Variants in PCDHA4 observed in about 807,000 individuals in gnomAD.
PCDHA4 encodes protocadherin alpha 4, also known as protocadherin alpha-4.
In PCDHA4, 49 loss-of-function variants were observed where a neutral mutation model predicts 61.4. That is an observed-to-expected ratio of 0.80 (90% confidence interval 0.63 to 1.01). The LOEUF (loss-of-function observed/expected upper bound fraction) is 1.01, where lower values mean the gene tolerates loss of function less well. Among genes scored for constraint, PCDHA4 ranks in the 50% least tolerant of loss-of-function variants. The pLI, the probability that PCDHA4 is intolerant of heterozygous loss-of-function variation, is 0.00. For synonymous variants in PCDHA4, 590 were observed against 550.3 expected, an observed-to-expected ratio of 1.07 and a Z score of -1.01; for missense variants, 1,254 against 1,235.8, an observed-to-expected ratio of 1.01 and a Z score of -0.22.
intron 1 of PCDHA4, among the ~76,000 whole-genome samples, chr5:140,920,166 A>G (rs539079245): frequency 2.2e-4 from 34 of 152,328 alleles, no homozygotes; most frequent in African/African-American, 7.9e-4. Flanking sequence ...AACTGTCTTA[A>G]GCAACCCAGT....
intron 1 of PCDHA4, among the ~76,000 whole-genome samples, chr5:140,878,601 T>A (rs1409343825): frequency 6.6e-6 from 1 of 152,224 alleles, no homozygotes; most frequent in African/African-American, 2.4e-5. Flanking sequence ...ACCAAGTGAA[T>A]CTTCTAATGT....
intron 1 of PCDHA4, among the ~76,000 whole-genome samples, chr5:140,910,365 A>G (rs1554194228): frequency 6.6e-6 from 1 of 152,164 alleles, no homozygotes; most frequent in Non-Finnish European, 1.5e-5. Flanking sequence ...TATGGTAGCT[A>G]TGCCCACCTT....
intron 1 of PCDHA4, chr5:140,824,610 G>GTTGTTTT (rs1768193318): frequency 1.1e-5 from 1 of 95,104 alleles, no homozygotes; most frequent in African/African-American, 4.9e-5. Flanking sequence ...GCTAATTAAA[G>GTTGTTTT]TTTTTTTTTT....
chr5:140,834,313 A>C, intron 1 of PCDHA4: 1 of 1,362,812 alleles, frequency 7.3e-7, no homozygotes. Context: ...GATTGAAATG[A>C]AGGGATAAAA....
intron 1 of PCDHA4, among the ~76,000 whole-genome samples, chr5:140,895,850 AC>A (rs2065202764): frequency 6.6e-6 from 1 of 152,110 alleles, no homozygotes; most frequent in Non-Finnish European, 1.5e-5. Context: ...TCACTCTTGT[AC>A]CCCAGGCTGG....
At chr5:140,830,184 T>G in intron 1 of PCDHA4, 4 of 1,613,576 alleles carry the variant, frequency 2.5e-6, no homozygotes, top group South Asian at 2.2e-5. Context: ...GATGTCAACG[T>G]GTACCTGATC....
intron 1 of PCDHA4, chr5:140,877,387 G>A: frequency 6.2e-7 from 1 of 1,614,010 alleles, no homozygotes; most frequent in Non-Finnish European, 8.5e-7. Flanking sequence ...CATCCTGGAT[G>A]AGGCGGACGC....
intron 3 of PCDHA4, among the ~76,000 whole-genome samples, chr5:140,986,945 C>G (rs1295830111): frequency 1.3e-5 from 2 of 151,946 alleles, no homozygotes; most frequent in Non-Finnish European, 2.9e-5. Context: ...TGGGTGTGGT[C>G]GCTCATGCCT....
At chr5:140,967,712 G>A in intron 1 of PCDHA4, 2 of 1,614,196 alleles carry the variant, frequency 1.2e-6, no homozygotes, top group Non-Finnish European at 1.7e-6. Flanking sequence ...CAGTACCGGG[G>A]AAGTGCGAGT....
intron 1 of PCDHA4, among the ~76,000 whole-genome samples, chr5:140,844,721 G>C (rs573731008): frequency 6.7e-6 from 1 of 149,274 alleles, no homozygotes; most frequent in Non-Finnish European, 1.5e-5. Context: ...CCATTAGTTC[G>C]TGTAAAAATA....
rs2150372271 is a variant in PCDHA4, at chr5:140,844,591, T to C, written c.2385+35019T>C. ...TAATATTCCACATTAAAGTGATATT[T>C]AATATATGACTTAGAAAAATGTTTT... On this transcript the variant is annotated intron_variant, in intron 1 of 3. Transcript: ENST00000530339. Among the ~76,000 whole-genome samples the C allele has an allele frequency of 8.0e-5, 12 of 149,484 alleles. 2 individuals carry two copies. Among genetic ancestry groups the C allele is most frequent in the Non-Finnish European group, 1.6e-4 (11 of 66,840 alleles).
intron 1 of PCDHA4, among the ~76,000 whole-genome samples, chr5:140,938,910 C>T (rs1467187970): frequency 6.6e-6 from 1 of 152,012 alleles, no homozygotes; most frequent in African/African-American, 2.4e-5. Context: ...CACACACACA[C>T]GCACAAGAAA....
intron 1 of PCDHA4, among the ~76,000 whole-genome samples, chr5:140,906,383 T>A (rs1386557574): frequency 6.6e-6 from 1 of 152,214 alleles, no homozygotes; most frequent in African/African-American, 2.4e-5. Context: ...TTACATAAAG[T>A]TAACATTTAA....
At chr5:140,823,956 C>A (rs2150130724) in intron 1 of PCDHA4, 23 of 1,613,908 alleles carry the variant, frequency 1.4e-5, no homozygotes, top group South Asian at 7.7e-5. Flanking sequence ...CGCAGCCCAC[C>A]GAGGCCGTGT....
intron 1 of PCDHA4, chr5:140,865,473 G>C (rs1425429584): frequency 6.6e-6 from 1 of 152,122 alleles, no homozygotes; most frequent in African/African-American, 2.4e-5. Context: ...TAAACATTAA[G>C]GAAATCTTCA....
chr5:140,824,274 A>C, intron 1 of PCDHA4: 1 of 1,155,556 alleles, frequency 8.7e-7, no homozygotes, highest in Middle Eastern at 2.0e-4. Context: ...CATGTATTAT[A>C]TGCTTTTTAT....
rs2150500833 is a variant in PCDHA4 at position 140,850,862 on chromosome 5, C to T, written c.2385+41290C>T. ...GATCTACAGAGCGAACGGGAGAACCCTCTGCTTCCTCAGATTCAACTGGGA... is the reference window on the plus strand; with the variant it reads ...GATCTACAGAGCGAACGGGAGAACCTTCTGCTTCCTCAGATTCAACTGGGA... On this transcript the variant is annotated intron_variant, in intron 1 of 3. Coordinates refer to ENST00000530339, the MANE Select transcript of PCDHA4 (RefSeq NM_018907.4). The T allele has an allele frequency of 1.9e-6, 3 of 1,592,842 alleles. 1 individual carries two copies. In the African/African-American group the frequency reaches 4.0e-5, roughly 21 times the overall value.
chr5:140,917,435 T>A (rs1179418321), intron 1 of PCDHA4, among the ~76,000 whole-genome samples: 2 of 152,200 alleles, frequency 1.3e-5, no homozygotes, highest in South Asian at 2.1e-4. Flanking sequence ...CAATTTTTGT[T>A]TTTGCTGCAA....
At chr5:140,940,369 T>C (rs1554213311) in intron 1 of PCDHA4, among the ~76,000 whole-genome samples, 1 of 152,212 alleles carries the variant, frequency 6.6e-6, no homozygotes, top group Admixed American at 6.5e-5. Context: ...AAAGTATTCC[T>C]TGAGTTGTTA....
Sources: gnomAD v4.1 joint callset for allele counts (sites outside exome capture counted in the v4.1 genomes callset) on GRCh38, gnomAD v4.1.1 for gene constraint, MANE v1.5 for transcripts, NCBI Gene and HGNC (gene_info 2026-07-23, HGNC 2026-07-21) for gene names.